Variants in SKAP2 observed in about 807,000 individuals in gnomAD.
SKAP2 encodes the protein src kinase-associated phosphoprotein 2.
A neutral mutation model predicts 54.9 loss-of-function variants in SKAP2; 28 were observed. That is an observed-to-expected ratio of 0.51 (90% CI 0.38 to 0.70). The LOEUF (loss-of-function observed/expected upper bound fraction) is 0.70. Ranked by LOEUF, SKAP2 falls within the 30% of genes least tolerant of loss-of-function variation. SKAP2 has a pLI of 0.00. For missense variants in SKAP2, 356 were observed against 424.1 expected (o/e 0.84, Z 1.41); for synonymous variants, 137 against 134.3 (o/e 1.02, Z -0.14).
chr7:26,808,773 C>T (rs1426391467), intron 4 of SKAP2, among the ~76,000 whole-genome samples: 1 of 152,146 alleles, frequency 6.6e-6, no homozygotes, highest in Non-Finnish European at 1.5e-5. Flanking sequence ...ATGGGTATAA[C>T]AACAATGCCT....
chr7:26,655,388 TC>T, the SKAP2 span, among the ~76,000 whole-genome samples: 3 of 141,842 alleles, frequency 2.1e-5, no homozygotes, highest in South Asian at 2.1e-4. Context: ...TGTTTTAATG[TC>T]CCCTAAATAA....
chr7:26,709,029 GCT>G (rs1448380781), intron 9 of SKAP2, among the ~76,000 whole-genome samples: 1 of 152,040 alleles, frequency 6.6e-6, no homozygotes, highest in African/African-American at 2.4e-5. Context: ...TTAATGCTGA[GCT>G]CTTAGAAAGT....
At chr7:26,677,005 G>A (rs939583715) in intron 11 of SKAP2, among the ~76,000 whole-genome samples, 4 of 152,200 alleles carry the variant, frequency 2.6e-5, no homozygotes, top group Admixed American at 2.0e-4. Context: ...CGAAGATAAG[G>A]GAAAAGTGGT....
intron 4 of SKAP2, among the ~76,000 whole-genome samples, chr7:26,819,990 A>G (rs900708430): frequency 8.5e-5 from 13 of 152,174 alleles, no homozygotes; most frequent in Admixed American, 1.3e-4. Context: ...ATTATTCATA[A>G]AAGTTAAAAT....
intron 11 of SKAP2, among the ~76,000 whole-genome samples, chr7:26,673,555 G>A (rs1786285233): frequency 6.6e-6 from 1 of 152,016 alleles, no homozygotes; most frequent in African/African-American, 2.4e-5. Context: ...AGATCCAGAG[G>A]TGTAGTGATG....
intron 11 of SKAP2, among the ~76,000 whole-genome samples, chr7:26,673,043 CTAAT>C (rs1292741725): frequency 1.3e-5 from 2 of 151,936 alleles, no homozygotes; most frequent in African/African-American, 2.4e-5. Context: ...AGTCCACAAA[CTAAT>C]TATAGTATTG....
downstream of SKAP2, among the ~76,000 whole-genome samples, chr7:26,663,880 C>A (rs1786060630): frequency 6.6e-6 from 1 of 152,162 alleles, no homozygotes; most frequent in African/African-American, 2.4e-5. Flanking sequence ...AGTGTTCCTG[C>A]ATAAAAGTTT....
At chr7:26,756,429 T>C (rs1180906914) in intron 4 of SKAP2, among the ~76,000 whole-genome samples, 1 of 152,174 alleles carries the variant, frequency 6.6e-6, no homozygotes, top group Admixed American at 6.5e-5. Context: ...CATGTGGTGT[T>C]TGGTTTTTTG....
intron 10 of SKAP2, among the ~76,000 whole-genome samples, chr7:26,686,120 T>C (rs907791869): frequency 6.6e-6 from 1 of 152,148 alleles, no homozygotes; most frequent in African/African-American, 2.4e-5. Context: ...TTAGGTTTAC[T>C]AGAAAATTTT....
intron 6 of SKAP2, 29 bp downstream of exon 6, chr7:26,738,766 T>C (rs549211019): frequency 3.8e-6 from 5 of 1,306,880 alleles, no homozygotes; most frequent in South Asian, 3.6e-5. Flanking sequence ...TTTGCAATAG[T>C]AGTTGATATA....
chr7:26,837,301 C>T (rs556829172), intron 4 of SKAP2, among the ~76,000 whole-genome samples: 3 of 152,022 alleles, frequency 2.0e-5, no homozygotes, highest in South Asian at 4.2e-4. Context: ...AACCTGCACG[C>T]TCTGCACATG....
chr7:26,758,162 T>C (rs749086595), intron 4 of SKAP2, among the ~76,000 whole-genome samples: 2 of 152,226 alleles, frequency 1.3e-5, no homozygotes, highest in Non-Finnish European at 2.9e-5. Context: ...GAAGGGCACA[T>C]AGAACTGTTA....
chr7:26,671,820 T>A (rs1000002105), intron 11 of SKAP2, among the ~76,000 whole-genome samples: 1 of 151,952 alleles, frequency 6.6e-6, no homozygotes, highest in Non-Finnish European at 1.5e-5. Flanking sequence ...CAGAAGAAAA[T>A]ACTAACTTAC....
intron 9 of SKAP2, among the ~76,000 whole-genome samples, chr7:26,701,726 A>AAAATAAATAAATAAAT (rs869050926): frequency 7.9e-6 from 1 of 126,844 alleles, no homozygotes; most frequent in African/African-American, 2.7e-5. Context: ...CTTCGTCTCA[A>AAAATAAATAAATAAAT]AAATAAATAA....
intron 4 of SKAP2, among the ~76,000 whole-genome samples, chr7:26,757,749 A>G (rs1782827487): frequency 6.6e-6 from 1 of 152,094 alleles, no homozygotes; most frequent in Non-Finnish European, 1.5e-5. Flanking sequence ...CATTGAATCT[A>G]TTTTTAAAAA....
intron 4 of SKAP2, among the ~76,000 whole-genome samples, chr7:26,809,299 G>A (rs1321283685): frequency 6.6e-6 from 1 of 151,906 alleles, no homozygotes; most frequent in Non-Finnish European, 1.5e-5. Context: ...CTGTAATCCC[G>A]CAACTTGGGA....
chr7:26,773,840 CAT>C (rs1175774545), intron 4 of SKAP2, among the ~76,000 whole-genome samples: 2 of 152,112 alleles, frequency 1.3e-5, no homozygotes, highest in Non-Finnish European at 2.9e-5. Context: ...AAGCTTAACA[CAT>C]AAACAGAATC....
At chr7:26,717,693 C>G (rs146325359) in intron 9 of SKAP2, among the ~76,000 whole-genome samples, 17,346 of 150,160 alleles carry the variant, frequency 0.12, 1,388 homozygotes, top group African/African-American at 0.22. Flanking sequence ...ATTAGCTGGG[C>G]GTGGTGGCGC....
chr7:26,817,123 T>C (rs1028040270), intron 4 of SKAP2, among the ~76,000 whole-genome samples: 1 of 152,100 alleles, frequency 6.6e-6, no homozygotes, highest in African/African-American at 2.4e-5. Context: ...TTATTACACA[T>C]TCCCCCACCA....
Sources: allele counts gnomAD v4.1 joint callset (sites outside exome capture counted in the v4.1 genomes callset), GRCh38; gene constraint gnomAD v4.1.1; transcripts MANE v1.5; gene names NCBI Gene and HGNC (gene_info 2026-07-23, HGNC 2026-07-21).